WDFY2: variants seen among roughly 807,000 people sequenced by gnomAD.
WDFY2 encodes the protein WD repeat and FYVE domain containing 2.
In WDFY2, 36 loss-of-function variants were observed where a neutral mutation model predicts 56.4. That is an observed-to-expected ratio of 0.64 (90% confidence interval 0.49 to 0.84). WDFY2 has a LOEUF of 0.84. Among genes scored for constraint, WDFY2 ranks in the 40% least tolerant of loss-of-function variants. The probability of loss-of-function intolerance (pLI) is 0.00; values close to 1 mark genes in which losing one functional copy is unlikely to be tolerated. For synonymous variants in WDFY2, 176 were observed against 183.7 expected (o/e 0.96, Z 0.34); for missense variants, 444 against 512.2 (o/e 0.87, Z 1.29).
intron 5 of WDFY2, among the ~76,000 whole-genome samples, chr13:51,719,912 CCT>C (rs1952449628): frequency 1.3e-5 from 2 of 152,044 alleles, no homozygotes; most frequent in Admixed American, 6.6e-5. Flanking sequence ...TTTTTGTCCC[CCT>C]GATTGCCAGG....
intron 4 of WDFY2, among the ~76,000 whole-genome samples, chr13:51,705,251 A>G (rs1391839122): frequency 2.6e-5 from 4 of 152,226 alleles, no homozygotes; most frequent in African/African-American, 9.6e-5. Flanking sequence ...AAGGTTTCAG[A>G]TGAGACTACA....
At chr13:51,644,425 A>G (rs1955229704) in intron 1 of WDFY2, among the ~76,000 whole-genome samples, 1 of 152,226 alleles carries the variant, frequency 6.6e-6, no homozygotes, top group Admixed American at 6.5e-5. Flanking sequence ...TTCATTTTAT[A>G]GATTTTAAAA....
At chr13:51,625,065 G>A (rs1409503230) in intron 1 of WDFY2, among the ~76,000 whole-genome samples, 2 of 152,210 alleles carry the variant, frequency 1.3e-5, no homozygotes, top group South Asian at 2.1e-4. Flanking sequence ...TCAACTGACT[G>A]TTGTGTGACA....
intron 1 of WDFY2, among the ~76,000 whole-genome samples, chr13:51,652,213 A>T (rs1360176005): frequency 6.6e-6 from 1 of 152,110 alleles, no homozygotes; most frequent in Non-Finnish European, 1.5e-5. Flanking sequence ...TTTATCAGAG[A>T]CTAGGATTGC....
chr13:51,604,315 G>A (rs547872016), intron 1 of WDFY2, among the ~76,000 whole-genome samples: 1 of 152,202 alleles, frequency 6.6e-6, no homozygotes, highest in African/African-American at 2.4e-5. Context: ...CTTCAGATTA[G>A]CCTCTGAATG....
chr13:51,678,170 G>A (rs977978009), intron 3 of WDFY2, among the ~76,000 whole-genome samples: 2 of 152,006 alleles, frequency 1.3e-5, no homozygotes, highest in South Asian at 2.1e-4. Flanking sequence ...AGTCACACAC[G>A]GTACTCAGTA....
At chr13:51,643,427 G>T (rs1955211734) in intron 1 of WDFY2, among the ~76,000 whole-genome samples, 1 of 152,194 alleles carries the variant, frequency 6.6e-6, no homozygotes, top group African/African-American at 2.4e-5. Flanking sequence ...CTGGCTGGAG[G>T]AATATGGTGG....
At chr13:51,652,157 A>G (rs1477275611) in intron 1 of WDFY2, among the ~76,000 whole-genome samples, 8 of 150,868 alleles carry the variant, frequency 5.3e-5, no homozygotes, top group Non-Finnish European at 8.9e-5. Context: ...ACCATTATGT[A>G]ATGGCCTTCT....
chr13:51,684,569 C>T (rs141873249), intron 3 of WDFY2, among the ~76,000 whole-genome samples: 19 of 152,218 alleles, frequency 1.2e-4, no homozygotes, highest in African/African-American at 4.3e-4. Context: ...ATTCTGTTCT[C>T]ATGAGCCTGA....
At chr13:51,632,928 C>T (rs1954979604) in intron 1 of WDFY2, among the ~76,000 whole-genome samples, 1 of 152,014 alleles carries the variant, frequency 6.6e-6, no homozygotes, top group Non-Finnish European at 1.5e-5. Flanking sequence ...GGTCATTATT[C>T]AGTTCTTTTC....
chr13:51,600,929 A>G (rs898583237), intron 1 of WDFY2, among the ~76,000 whole-genome samples: 3 of 152,220 alleles, frequency 2.0e-5, no homozygotes, highest in Non-Finnish European at 4.4e-5. Context: ...TGACATGTTC[A>G]GATGGCCATT....
intron 4 of WDFY2, among the ~76,000 whole-genome samples, chr13:51,710,284 ATC>A (rs1952181708): frequency 2.0e-5 from 3 of 152,182 alleles, no homozygotes; most frequent in African/African-American, 7.2e-5. Context: ...GATGGGACGT[ATC>A]TCAAAATAAT....
rs1004296117 is a variant in WDFY2, at chr13:51,762,399, A to G, written c.*2630A>G. ...AGAGGCTGAAGCCACTTCACAGCCC[A>G]CTGGTGTTGAGAATCATCATCAGAA... On this transcript the variant is annotated 3_prime_UTR_variant, in exon 12 of 12. Coordinates refer to ENST00000298125, the MANE Select transcript of WDFY2 (RefSeq NM_052950.4). 13 of 152,260 alleles carry G rather than the reference A, an allele frequency of 8.5e-5. No homozygotes were observed. The highest frequency in any genetic ancestry group is 3.9e-4 in the Admixed American group (6 of 15,288). 9.4% of individuals were successfully genotyped at this position (152,260 alleles called of 1,614,324 possible).
intron 1 of WDFY2, among the ~76,000 whole-genome samples, chr13:51,634,444 T>G (rs1409193362): frequency 6.6e-6 from 1 of 152,210 alleles, no homozygotes; most frequent in Admixed American, 6.5e-5. Context: ...CACAAAGATT[T>G]AAAAATATAT....
intron 4 of WDFY2, among the ~76,000 whole-genome samples, chr13:51,709,767 A>G (rs1373132469): frequency 6.6e-6 from 1 of 152,194 alleles, no homozygotes; most frequent in Non-Finnish European, 1.5e-5. Context: ...GACCAATAAC[A>G]GGTTCTGAAA....
intron 5 of WDFY2, among the ~76,000 whole-genome samples, chr13:51,720,662 G>A (rs930268885): frequency 8.5e-5 from 13 of 152,134 alleles, no homozygotes; most frequent in African/African-American, 3.1e-4. Context: ...TGTAAACTTG[G>A]TGTCCTTTAA....
chr13:51,676,907 C>T (rs1955896858), intron 3 of WDFY2, among the ~76,000 whole-genome samples: 1 of 152,154 alleles, frequency 6.6e-6, no homozygotes, highest in Admixed American at 6.5e-5. Flanking sequence ...GAGATCCTTC[C>T]ATTTCCCAAC....
chr13:51,759,628 A>G lies in WDFY2; in HGVS notation c.1174-112A>G, dbSNP rs143359190. 2.2e-3 allele frequency: 1,924 copies of G among 858,122 alleles called. 24 individuals carry two copies. In the African/African-American group the frequency reaches 0.03, roughly 13 times the overall value. 53.2% of individuals were successfully genotyped at this position (858,122 alleles called of 1,614,324 possible). ...ACAGATTTGGAAATCATGTTAGTAT[A>G]GTATGTGGTGGTTTGTTAAATGAAA... On this transcript the variant is annotated intron_variant, in intron 11 of 11. Transcript: ENST00000298125.
intron 3 of WDFY2, among the ~76,000 whole-genome samples, chr13:51,689,153 C>T (rs965119816): frequency 2.0e-5 from 3 of 152,130 alleles, no homozygotes; most frequent in Non-Finnish European, 4.4e-5. Context: ...TTCTCCCTTC[C>T]ATCCTCTTGG....
Sources: allele counts gnomAD v4.1 joint callset (sites outside exome capture counted in the v4.1 genomes callset), GRCh38; gene constraint gnomAD v4.1.1; transcripts MANE v1.5; gene names NCBI Gene and HGNC (gene_info 2026-07-23, HGNC 2026-07-21).